The following AKAP6 variants were observed in gnomAD, a reference collection of about 807,000 sequenced individuals.
AKAP6 encodes A-kinase anchor protein 6.
A neutral mutation model predicts 188.5 loss-of-function variants in AKAP6; 58 were observed. The ratio of observed to expected loss-of-function variants is 0.31; its 90% CI spans 0.25 to 0.38. The LOEUF (loss-of-function observed/expected upper bound fraction) is 0.38. AKAP6 is among the 10% of genes least tolerant of loss of function. AKAP6 has a pLI of 1.00. For missense variants in AKAP6, 2,710 were observed against 2,740.0 expected (o/e 0.99, Z 0.24); for synonymous variants, 989 against 998.6 (o/e 0.99, Z 0.18).
intron 2 of AKAP6, among the ~76,000 whole-genome samples, chr14:32,483,751 T>G (rs1228734696): frequency 2.6e-5 from 4 of 152,132 alleles, no homozygotes; most frequent in Non-Finnish European, 5.9e-5. Flanking sequence ...CCCAAAGTTC[T>G]GGGATTACAG....
chr14:32,529,509 G>T (rs1882298349), intron 2 of AKAP6, among the ~76,000 whole-genome samples: 1 of 152,072 alleles, frequency 6.6e-6, no homozygotes, highest in South Asian at 2.1e-4. Context: ...GTATGATGTT[G>T]TAAAGGAGTG....
At chr14:32,477,017 A>G (rs1396822977) in intron 2 of AKAP6, among the ~76,000 whole-genome samples, 1 of 152,210 alleles carries the variant, frequency 6.6e-6, no homozygotes, top group Non-Finnish European at 1.5e-5. Context: ...ATGAAGCTTT[A>G]TCTAAAAATT....
At chr14:32,708,372 G>C (rs1594868607) in intron 9 of AKAP6, among the ~76,000 whole-genome samples, 1 of 151,526 alleles carries the variant, frequency 6.6e-6, no homozygotes, top group African/African-American at 2.4e-5. Flanking sequence ...TTTATGATGA[G>C]AGGGAGAGAC....
intron 5 of AKAP6, among the ~76,000 whole-genome samples, chr14:32,585,931 T>C (rs1885219312): frequency 6.6e-6 from 1 of 152,058 alleles, no homozygotes; most frequent in Non-Finnish European, 1.5e-5. Flanking sequence ...GTAAAGGAGT[T>C]TGAATGTCTT....
At chr14:32,796,397 C>G (rs1447398854) in intron 12 of AKAP6, among the ~76,000 whole-genome samples, 1 of 152,136 alleles carries the variant, frequency 6.6e-6, no homozygotes, top group East Asian at 1.9e-4. Flanking sequence ...GCTACAGTAA[C>G]TAAAACAGCA....
intron 7 of AKAP6, among the ~76,000 whole-genome samples, chr14:32,652,202 G>A (rs185409589): frequency 9.9e-5 from 15 of 151,784 alleles, no homozygotes; most frequent in East Asian, 3.9e-4. Context: ...CATCTTTTCC[G>A]TCATTTTATC....
In AKAP6 at chr14:32,461,676, C is replaced by T. The variant is rs533986589; in HGVS notation, c.324+27859C>T. On this transcript the variant is annotated intron_variant, in intron 2 of 13. Transcript: ENST00000280979. The stretch of plus-strand genomic sequence containing the variant: ...CAAAAACCAGAATGCCTCTTCTCCT[C>T]CAAATGATTGCAACTCCTCTTGAGC... Among the ~76,000 whole-genome samples the T allele has an allele frequency of 5.9e-5, 9 of 152,042 alleles. No homozygotes were observed. In the South Asian group the frequency reaches 1.9e-3, roughly 32 times the overall value.
intron 7 of AKAP6, among the ~76,000 whole-genome samples, chr14:32,642,523 T>C (rs977401918): frequency 6.6e-6 from 1 of 152,216 alleles, no homozygotes; most frequent in African/African-American, 2.4e-5. Context: ...TAAGTTGATT[T>C]ATTTTTTACA....
intron 12 of AKAP6, among the ~76,000 whole-genome samples, chr14:32,799,031 TTTATA>T (rs918650746): frequency 4.5e-4 from 68 of 152,344 alleles, no homozygotes; most frequent in African/African-American, 1.5e-3. Context: ...CTAAGTCTTA[TTTATA>T]TTTGTAATTG....
At chr14:32,609,099 C>G (rs536436903) in intron 7 of AKAP6, among the ~76,000 whole-genome samples, 1 of 152,236 alleles carries the variant, frequency 6.6e-6, no homozygotes, top group East Asian at 1.9e-4. Flanking sequence ...TTACTCCGCT[C>G]TGGCTTTTGG....
chr14:32,337,666 C>T (rs1487208965), intron 1 of AKAP6, among the ~76,000 whole-genome samples: 5 of 151,816 alleles, frequency 3.3e-5, no homozygotes, highest in Admixed American at 6.6e-5. Context: ...TGATGTGCTG[C>T]ACCCATTAAC....
chr14:32,805,725 TTTTTCA>T (rs1170701406), intron 12 of AKAP6, among the ~76,000 whole-genome samples: 2 of 152,242 alleles, frequency 1.3e-5, no homozygotes, highest in African/African-American at 4.8e-5. Flanking sequence ...TCCAATTTTC[TTTTTCA>T]TTTAGTTCTA....
chr14:32,737,887 G>A (rs1246629541), intron 11 of AKAP6, among the ~76,000 whole-genome samples: 1 of 152,168 alleles, frequency 6.6e-6, no homozygotes, highest in African/African-American at 2.4e-5. Context: ...GGTCTGGGAT[G>A]AGACAAGGGA....
At chr14:32,365,837 G>C (rs1006553407) in intron 1 of AKAP6, among the ~76,000 whole-genome samples, 1 of 152,078 alleles carries the variant, frequency 6.6e-6, no homozygotes, top group African/African-American at 2.4e-5. Flanking sequence ...TCAGCTTCCT[G>C]GCTGGCCCAG....
chr14:32,396,536 G>A (rs1206849282), intron 1 of AKAP6, among the ~76,000 whole-genome samples: 7 of 152,198 alleles, frequency 4.6e-5, no homozygotes, highest in African/African-American at 7.2e-5. Flanking sequence ...CCAGTGATCA[G>A]TTCAGGAATG....
At chr14:32,488,862 C>T (rs4981155) in intron 2 of AKAP6, among the ~76,000 whole-genome samples, 102,235 of 152,076 alleles carry the variant, frequency 0.67, 35,846 homozygotes, top group East Asian at 0.89. Flanking sequence ...CCAGTCCCAA[C>T]GAAATGAGGT....
chr14:32,701,548 A>G (rs932075520), intron 9 of AKAP6, among the ~76,000 whole-genome samples: 13 of 152,152 alleles, frequency 8.5e-5, no homozygotes, highest in African/African-American at 9.6e-5. Context: ...ATTATTAAAT[A>G]TAAATACGTG....
intron 2 of AKAP6, among the ~76,000 whole-genome samples, chr14:32,532,206 T>C (rs1882450109): frequency 6.6e-6 from 1 of 152,222 alleles, no homozygotes; most frequent in African/African-American, 2.4e-5. Context: ...GGTATCTCAT[T>C]GTGGTTTTAA....
At chr14:32,811,025 G>A (rs898105908) in intron 12 of AKAP6, among the ~76,000 whole-genome samples, 1 of 151,926 alleles carries the variant, frequency 6.6e-6, no homozygotes, top group African/African-American at 2.4e-5. Flanking sequence ...AGATCACGAG[G>A]TCAGGAGATC....
Sources: gnomAD v4.1 joint callset for allele counts (sites outside exome capture counted in the v4.1 genomes callset) on GRCh38, gnomAD v4.1.1 for gene constraint, MANE v1.5 for transcripts, NCBI Gene and HGNC (gene_info 2026-07-23, HGNC 2026-07-21) for gene names.